The following PKLR variants were observed in gnomAD, a reference collection of about 807,000 sequenced individuals.
PKLR encodes pyruvate kinase PKLR.
Under a neutral mutation model 53.6 loss-of-function variants are expected in PKLR, and 38 were observed. The ratio of observed to expected loss-of-function variants is 0.71; its 90% CI spans 0.55 to 0.93. PKLR has a LOEUF of 0.93. PKLR is among the 40% of genes least tolerant of loss of function. The probability of loss-of-function intolerance (pLI) is 0.00; values close to 1 mark genes in which losing one functional copy is unlikely to be tolerated. For synonymous variants in PKLR, 328 were observed against 316.2 expected (o/e 1.04, Z -0.39); for missense variants, 702 against 787.3 (o/e 0.89, Z 1.30).
At chr1:155,304,561 C>A (rs547018551), upstream of PKLR, among the ~76,000 whole-genome samples, 3 of 151,172 alleles carry the variant, frequency 2.0e-5, no homozygotes, top group Non-Finnish European at 4.4e-5. Context: ...GAGAGGGGGA[C>A]GGCTTGGAGA....
intron 10 of PKLR, among the ~76,000 whole-genome samples, chr1:155,291,174 T>C (rs1674523015): frequency 6.6e-6 from 1 of 152,036 alleles, no homozygotes; most frequent in African/African-American, 2.4e-5. Context: ...ACGGGTGGCA[T>C]GCAGGGAATG....
chr1:155,298,616 C>A lies in PKLR; in HGVS notation c.283+1482G>T, dbSNP rs139652303. Among the ~76,000 whole-genome samples the A allele has an allele frequency of 5.1e-4, 78 of 151,518 alleles. No individual in the cohort carries two copies. The East Asian group carries it at 0.012, about 24-fold the overall frequency. On this transcript the variant is annotated intron_variant, in intron 2 of 10. Transcript: ENST00000342741. The stretch of plus-strand genomic sequence containing the variant: ...TGCTGGGATTACAGGCGTGAGCCAC[C>A]GCGCCCAGCTTTTTTTTCTTTTTTT...
chr1:155,300,047 C>G lies in PKLR; in HGVS notation c.283+51G>C, dbSNP rs1466160209. 3.9e-6 allele frequency: 6 copies of G among 1,536,540 alleles called. No individual in the cohort carries two copies. In the African/African-American group the frequency reaches 5.5e-5, roughly 14 times the overall value. ...GGAGACAAAAGATGAAGAAGCACCT[C>G]AAGAAATACCAATAGGCCCTGTGTG... is the stretch of plus-strand genomic sequence containing the variant. On this transcript the variant is annotated intron_variant, in intron 2 of 10. Transcript: ENST00000342741.
rs201306934 is a variant in PKLR at position 155,290,989 on chromosome 1, AAATAATAATAATAATAATAATAAT to A, written c.1619-335_1619-312del. ...GGGGACAGAGCAAGACTCCATCTCA[AAATAATAATAATAATAATAATAAT>A]AATAATAATAATAATAATAATAATA... On this transcript the variant is annotated intron_variant, in intron 10 of 10. Coordinates refer to ENST00000342741, the MANE Select transcript of PKLR (RefSeq NM_000298.6). Among the ~76,000 whole-genome samples, 692 of 134,136 alleles carry A rather than the reference AAATAATAATAATAATAATAATAAT, an allele frequency of 5.2e-3. 16 individuals carry two copies. Among genetic ancestry groups the A allele is most frequent in the East Asian group, 0.047 (217 of 4,608 alleles). 88.0% of individuals were successfully genotyped at this position (134,136 alleles called of 152,430 possible).
rs1647528158 is a variant in PKLR at position 155,295,458 on chromosome 1, G to C, written c.486C>G (p.Ile162Met). Reference protein sequence around the residue: ...AIALDTKGPEIRTGILQGGPE... With the variant: ...AIALDTKGPEMRTGILQGGPE... ...TCACCCCCTGCAGGATCCCAGTGCG[G>C]ATCTCCGGTCCCTTGGTGTCCAGGG... The change falls in exon 4 of 11, where the codon ATC becomes ATG. Residue 162 changes from isoleucine (I) to methionine (M), a missense_variant. Physicochemically the swap from Ile to Met is conservative, Grantham distance 10. Around this residue, in one of 2 missense-constraint regions of PKLR, gnomAD observed 519 missense variants for 537.1 expected, o/e 0.97. Coordinates refer to ENST00000342741, the MANE Select transcript of PKLR (RefSeq NM_000298.6). The surrounding 1 kb of genome is among the most constrained non-coding windows in gnomAD (Gnocchi z 4.3). 1.2e-6 allele frequency: 2 copies of C among 1,608,776 alleles called. No individual in the cohort carries two copies. Among genetic ancestry groups the C allele is most frequent in the South Asian group, 2.2e-5 (2 of 90,470 alleles).
chr1:155,302,340 G>A (rs1648060623), upstream of PKLR, among the ~76,000 whole-genome samples: 1 of 150,596 alleles, frequency 6.6e-6, no homozygotes, highest in Non-Finnish European at 1.5e-5. Flanking sequence ...GGGTTCAAGC[G>A]ATTATCCTGT....
At chr1:155,308,195 GGGATTAC>G in the PKLR span, among the ~76,000 whole-genome samples, 1 of 151,724 alleles carries the variant, frequency 6.6e-6, no homozygotes, top group African/African-American at 2.4e-5. Context: ...CTGAGTGGCT[GGGATTAC>G]AGGCGCGCGC....
chr1:155,298,734 C>T (rs1271049221), intron 2 of PKLR, among the ~76,000 whole-genome samples: 2 of 152,028 alleles, frequency 1.3e-5, no homozygotes, highest in Non-Finnish European at 2.9e-5. Flanking sequence ...CTCTGTCTCC[C>T]GGGTTCAAGC....
At chr1:155,297,881 G>T (rs1025167615) in intron 2 of PKLR, among the ~76,000 whole-genome samples, 2 of 151,978 alleles carry the variant, frequency 1.3e-5, no homozygotes, top group African/African-American at 4.8e-5. Context: ...TCTCTGCATG[G>T]CTAATTCTCT....
intron 2 of PKLR, among the ~76,000 whole-genome samples, chr1:155,297,181 T>C (rs1273857183): frequency 6.6e-6 from 1 of 152,190 alleles, no homozygotes; most frequent in Non-Finnish European, 1.5e-5. Context: ...ACCATCTATA[T>C]GTAGCCAACT....
chr1:155,291,027 ATAATAATAATAAT>A (rs1316631025), intron 10 of PKLR, among the ~76,000 whole-genome samples: 15 of 142,844 alleles, frequency 1.1e-4, no homozygotes, highest in African/African-American at 3.0e-4. Context: ...AATAATAATA[ATAATAATAATAAT>A]AAAAGAAGAA....
At chr1:155,298,255 C>A (rs753085485) in intron 2 of PKLR, among the ~76,000 whole-genome samples, 1 of 151,680 alleles carries the variant, frequency 6.6e-6, no homozygotes, top group African/African-American at 2.4e-5. Context: ...AGGATGGTAT[C>A]GATCTCTTGA....
chr1:155,293,133 C>A lies in PKLR; in HGVS notation c.1436+44G>T. 1.9e-6 allele frequency: 3 copies of A among 1,598,790 alleles called. No individual in the cohort carries two copies. Among genetic ancestry groups the A allele is most frequent in the Non-Finnish European group, 2.6e-6 (3 of 1,166,046 alleles). ...AGCCTGGGGCCCGTCCCAGCCCACC[C>A]CTGACCCAAAGCTCCATCTGGACAT... On this transcript the variant is annotated intron_variant, in intron 9 of 10. Coordinates refer to ENST00000342741, the MANE Select transcript of PKLR (RefSeq NM_000298.6). This position sits in a 1 kb window ranked among gnomAD's most constrained non-coding sequence, Gnocchi z 4.2.
In PKLR at chr1:155,300,160, C is replaced by G. The variant is rs1394809863; in HGVS notation, c.221G>C (p.Cys74Ser). ...GGGCTCGGAGTCAATGTCCAGTAGG[C>G]AGAGGTGTTCCAGGAAGGTGTCTGC... The part of the protein sequence containing the change: ...AMADTFLEHL[C>S]LLDIDSEPVA... The change falls in exon 2 of 11, where the codon TGC becomes TCC. Residue 74 changes from cysteine to serine, a missense_variant. This residue lies in a region of PKLR where 519 missense variants were observed against 537.1 expected (regional missense o/e 0.97). Coordinates refer to ENST00000342741, the MANE Select transcript of PKLR (RefSeq NM_000298.6). 24 of 1,613,932 alleles carry G rather than the reference C, an allele frequency of 1.5e-5. No homozygotes were observed. The highest frequency in any genetic ancestry group is 1.8e-5 in the Non-Finnish European group (21 of 1,180,028).
Position 155,293,887 on chromosome 1 carries a change from C to T in PKLR, c.1117-297G>A, listed in dbSNP as rs1476240819. On this transcript the variant is annotated intron_variant, in intron 7 of 10. Coordinates refer to ENST00000342741, the MANE Select transcript of PKLR (RefSeq NM_000298.6). This position sits in a 1 kb window ranked among gnomAD's most constrained non-coding sequence, Gnocchi z 4.2. The stretch of plus-strand genomic sequence containing the variant: ...GTGGCTCACACCTGTAATCCCAGCA[C>T]TTTGGGAGGCCGAGGCGAGTAGATC... Among the ~76,000 whole-genome samples the T allele has an allele frequency of 6.6e-6, 1 of 152,122 alleles. No homozygotes were observed. The highest frequency in any genetic ancestry group is 1.9e-4 in the East Asian group (1 of 5,190).
Position 155,290,207 on chromosome 1 carries a change from C to A in PKLR, c.*365G>T. The A allele has an allele frequency of 6.5e-6, 2 of 306,302 alleles. No individual in the cohort carries two copies. The highest frequency in any genetic ancestry group is 1.3e-5 in the Non-Finnish European group (2 of 158,508). The allele number at this position is 306,302 out of a possible 1,614,324, so 19.0% of individuals were successfully genotyped here. A position where few individuals can be genotyped will look rare whatever the true frequency, so the allele number is the denominator to read the frequency against. On this transcript the variant is annotated 3_prime_UTR_variant, in exon 11 of 11. Coordinates refer to ENST00000342741, the MANE Select transcript of PKLR (RefSeq NM_000298.6). ...ATTGCCCTGTCTCCCCTCTCCCCCA[C>A]CCCAAGGGATGGGATGCCTGGGGTT... is the stretch of plus-strand genomic sequence containing the variant.
intron 6 of PKLR, 27 bp downstream of exon 6, chr1:155,294,455 C>T (rs903790572): frequency 9.9e-6 from 16 of 1,614,194 alleles, no homozygotes; most frequent in African/African-American, 1.3e-5. Flanking sequence ...GCGACAGGGC[C>T]GAAGGGGAAC....
At chr1:155,294,101 C>G (rs997597606) in intron 7 of PKLR, 134 bp downstream of exon 7, 2 of 1,053,698 alleles carry the variant, frequency 1.9e-6, no homozygotes, top group Non-Finnish European at 2.9e-6. Context: ...CCACTGCACT[C>G]CAGCCTGGAT....
rs745663677 is a variant in PKLR, at chr1:155,294,496, G to A, written c.951C>T (p.His317=). 5 of 1,614,244 alleles carry A rather than the reference G, an allele frequency of 3.1e-6. No homozygotes were observed. The South Asian group carries it at 5.5e-5, about 18-fold the overall frequency. Residue 317 remains histidine, a synonymous_variant, in exon 6 of 11, where the codon CAC becomes CAT. Coordinates refer to ENST00000342741, the MANE Select transcript of PKLR (RefSeq NM_000298.6). ...GIKIISKIEN[H]EGVKRFDEIL... ...CCAAGCCTCACCTCTTCACGCCTTC[G>A]TGGTTCTCAATTTTGCTGATGATCT...
Sources: allele counts gnomAD v4.1 joint callset (sites outside exome capture counted in the v4.1 genomes callset), GRCh38; gene constraint gnomAD v4.1.1; regional missense constraint gnomAD v4.1.1; non-coding constraint Gnocchi (gnomAD v3.1); transcripts MANE v1.5; gene names NCBI Gene and HGNC (gene_info 2026-07-23, HGNC 2026-07-21).